Variants in ATXN7L1 observed in about 807,000 individuals in gnomAD.
ATXN7L1 encodes the protein ataxin 7 like 1, also known as ataxin-7-like protein 1.
ATXN7L1 carries 15 observed loss-of-function variants against 70.8 expected under a neutral mutation model. The ratio of observed to expected loss-of-function variants is 0.21; its 90% CI spans 0.14 to 0.33. ATXN7L1 has a LOEUF of 0.33. Ranked by LOEUF, ATXN7L1 falls within the 10% of genes least tolerant of loss-of-function variation. The pLI is 1.00. For missense variants in ATXN7L1, 975 were observed against 1,097.1 expected (o/e 0.89, Z 1.57); for synonymous variants, 440 against 445.1 (o/e 0.99, Z 0.14).
intron 2 of ATXN7L1, chr7:105,819,464 A>C (rs1336487215): frequency 3.1e-6 from 2 of 643,120 alleles, no homozygotes; most frequent in Non-Finnish European, 5.6e-6. Flanking sequence ...AAAAAAAAAG[A>C]GTGTCCTTTC....
intron 3 of ATXN7L1, among the ~76,000 whole-genome samples, chr7:105,716,671 ACACAC>A (rs1794588624): frequency 5.1e-5 from 1 of 19,706 alleles, no homozygotes; most frequent in Non-Finnish European, 8.0e-5. Flanking sequence ...CTCTGCACAC[ACACAC>A]ACACACACAC....
At position 105,761,088 on chromosome 7, in the gene ATXN7L1, A is replaced by G. The variant is rs942912712; in HGVS notation, c.355+27516T>C. On this transcript the variant is annotated intron_variant, in intron 3 of 11. Coordinates refer to ENST00000419735, the MANE Select transcript of ATXN7L1 (RefSeq NM_020725.2). ...GTAGAGGAGCAAGAGTGGAAGCAGGAACAGCTGGAAGGCTTTTGCAGTTGT... is the reference window on the plus strand; with the variant it reads ...GTAGAGGAGCAAGAGTGGAAGCAGGGACAGCTGGAAGGCTTTTGCAGTTGT... 5 of 962,054 alleles carry G rather than the reference A, an allele frequency of 5.2e-6. No individual in the cohort carries two copies. In the African/African-American group the frequency reaches 8.7e-5, roughly 17 times the overall value. 59.6% of individuals were successfully genotyped at this position (962,054 alleles called of 1,614,324 possible).
At chr7:105,675,107 C>G (rs1251201854) in intron 3 of ATXN7L1, among the ~76,000 whole-genome samples, 1 of 150,468 alleles carries the variant, frequency 6.6e-6, no homozygotes, top group Non-Finnish European at 1.5e-5. Flanking sequence ...GGAAATATCC[C>G]AAAGGGAAAA....
intron 3 of ATXN7L1, among the ~76,000 whole-genome samples, chr7:105,774,369 T>G (rs1802431718): frequency 6.6e-6 from 1 of 150,728 alleles, no homozygotes. Context: ...TTTTTTTTTT[T>G]GAGACAGAGT....
At chr7:105,832,180 G>A (rs890216348) in intron 2 of ATXN7L1, among the ~76,000 whole-genome samples, 1 of 152,092 alleles carries the variant, frequency 6.6e-6, no homozygotes, top group Non-Finnish European at 1.5e-5. Context: ...GAGATGGCAG[G>A]AAAACCCAGT....
chr7:105,841,339 A>G (rs1329470436), intron 2 of ATXN7L1, among the ~76,000 whole-genome samples: 1 of 152,246 alleles, frequency 6.6e-6, no homozygotes, highest in African/African-American at 2.4e-5. Flanking sequence ...CTCCAGCTGA[A>G]AAGTGGAACT....
At chr7:105,613,749 A>G in intron 10 of ATXN7L1, 113 bp downstream of exon 10, 1 of 1,527,690 alleles carries the variant, frequency 6.5e-7, no homozygotes, top group South Asian at 1.2e-5. Flanking sequence ...GGGGAAAACG[A>G]GAACAGGAAT....
chr7:105,876,267 A>T, intron 1 of ATXN7L1, 111 bp downstream of exon 1: 1 of 1,310,684 alleles, frequency 7.6e-7, no homozygotes, highest in East Asian at 2.6e-5. Context: ...AGAAGCATGG[A>T]GGACACCGGG....
intron 3 of ATXN7L1, among the ~76,000 whole-genome samples, chr7:105,736,505 A>T (rs1691815659): frequency 6.6e-6 from 1 of 152,192 alleles, no homozygotes; most frequent in Non-Finnish European, 1.5e-5. Context: ...TGGCAATTGC[A>T]GTTTTGTGGA....
At chr7:105,744,922 G>C (rs1265150967) in intron 3 of ATXN7L1, among the ~76,000 whole-genome samples, 1 of 151,856 alleles carries the variant, frequency 6.6e-6, no homozygotes, top group South Asian at 2.1e-4. Context: ...ATTTTTAGTA[G>C]AGATGGGGTT....
chr7:105,624,183 T>C lies in ATXN7L1; in HGVS notation c.1287A>G (p.Gly429=), dbSNP rs922748656. 2.6e-6 allele frequency: 4 copies of C among 1,529,726 alleles called. No homozygotes were observed. The highest frequency in any genetic ancestry group is 3.5e-6 in the Non-Finnish European group (4 of 1,134,844). The allele number at this position is 1,529,726 out of a possible 1,614,324, so 94.8% of individuals were successfully genotyped here. A position where few individuals can be genotyped will look rare whatever the true frequency, so the allele number is the denominator to read the frequency against. ...TGGACAGTCGGCTGGCGAGGTCACC[T>C]CCAACCGGTGGGAGTGGGGGCTCTG... ...HTPEPPLPPV[G]GDLASRLSSD... Residue 429 remains glycine, a synonymous_variant, in exon 8 of 12, where the codon GGA becomes GGG. Coordinates refer to ENST00000419735, the MANE Select transcript of ATXN7L1 (RefSeq NM_020725.2).
At chr7:105,825,012 T>A (rs1055173916) in intron 2 of ATXN7L1, among the ~76,000 whole-genome samples, 10 of 151,488 alleles carry the variant, frequency 6.6e-5, no homozygotes, top group African/African-American at 2.4e-4. Context: ...ACAGAGAAGA[T>A]CCTAAAAGCT....
At chr7:105,827,309 C>T (rs1450086459) in intron 2 of ATXN7L1, among the ~76,000 whole-genome samples, 1 of 152,150 alleles carries the variant, frequency 6.6e-6, no homozygotes, top group African/African-American at 2.4e-5. Flanking sequence ...ACATTTAAAC[C>T]ATTCACTTAA....
chr7:105,819,994 CG>C (rs1469382424), intron 2 of ATXN7L1: 1 of 464,874 alleles, frequency 2.2e-6, no homozygotes, highest in African/African-American at 2.0e-5. Flanking sequence ...GATCCACTAT[CG>C]GAAGAAGAAA....
intron 4 of ATXN7L1, among the ~76,000 whole-genome samples, chr7:105,658,132 G>A (rs1359544619): frequency 2.6e-5 from 4 of 152,020 alleles, no homozygotes; most frequent in Admixed American, 2.0e-4. Context: ...TGCAATGAGA[G>A]GTCATTTCGT....
At chr7:105,690,920 A>G (rs939518718) in intron 3 of ATXN7L1, among the ~76,000 whole-genome samples, 3 of 152,172 alleles carry the variant, frequency 2.0e-5, no homozygotes, top group African/African-American at 7.2e-5. Context: ...CGGGCCCCCA[A>G]AGATGCTACC....
chr7:105,798,251 C>T (rs952260791), intron 2 of ATXN7L1, among the ~76,000 whole-genome samples: 1 of 152,220 alleles, frequency 6.6e-6, no homozygotes, highest in Admixed American at 6.5e-5. Context: ...GCAAACACAG[C>T]TACTCTGCAC....
At chr7:105,667,417 TGGCCGGGCGCGGTGGCTC>T (rs1802784971) in intron 3 of ATXN7L1, among the ~76,000 whole-genome samples, 3 of 144,584 alleles carry the variant, frequency 2.1e-5, no homozygotes, top group Admixed American at 7.0e-5. Context: ...AGTCAACTAG[TGGCCGGGCGCGGTGGCTC>T]ACGCCTGTAA....
intron 3 of ATXN7L1, among the ~76,000 whole-genome samples, chr7:105,670,463 G>A (rs1279167953): frequency 2.0e-5 from 3 of 152,104 alleles, no homozygotes; most frequent in Non-Finnish European, 4.4e-5. Context: ...AATTTTCTTA[G>A]TCTTCGTTAA....
Sources: gnomAD v4.1 joint callset for allele counts (sites outside exome capture counted in the v4.1 genomes callset) on GRCh38, gnomAD v4.1.1 for gene constraint, MANE v1.5 for transcripts, NCBI Gene and HGNC (gene_info 2026-07-23, HGNC 2026-07-21) for gene names.